The following CWC27 variants were observed in gnomAD, a reference collection of about 807,000 sequenced individuals.
The protein encoded by CWC27 is CWC27 spliceosome associated cyclophilin, also known as spliceosome-associated protein CWC27 homolog.
Under a neutral mutation model 63.6 loss-of-function variants are expected in CWC27, and 47 were observed. The observed-to-expected ratio is 0.74, with a 90% CI of 0.58 to 0.94. The LOEUF (loss-of-function observed/expected upper bound fraction) is 0.94. Ranked by LOEUF, CWC27 falls within the 40% of genes least tolerant of loss-of-function variation. The pLI is 0.00. For synonymous variants in CWC27, 175 were observed against 179.8 expected (o/e 0.97, Z 0.22); for missense variants, 495 against 554.3 (o/e 0.89, Z 1.07).
chr5:64,977,910 C>T (rs549423521), intron 13 of CWC27, among the ~76,000 whole-genome samples: 1 of 152,294 alleles, frequency 6.6e-6, no homozygotes, highest in East Asian at 1.9e-4. Context: ...CCACACCTAA[C>T]TGCCTCCACC....
At chr5:64,884,006 A>G (rs930389879) in intron 10 of CWC27, 3 of 152,178 alleles carry the variant, frequency 2.0e-5, no homozygotes, top group African/African-American at 7.2e-5. Context: ...AACATTCCAC[A>G]TCTAAAGTTA....
intron 6 of CWC27, 152 bp downstream of exon 6, chr5:64,786,779 A>T (rs1419963796): frequency 1.8e-6 from 1 of 562,724 alleles, no homozygotes; most frequent in East Asian, 3.1e-5. Flanking sequence ...TGGTTGTATT[A>T]GTTCATTTTT....
chr5:64,840,429 A>G (rs1285271213), intron 10 of CWC27, among the ~76,000 whole-genome samples: 4 of 120,472 alleles, frequency 3.3e-5, no homozygotes, highest in Non-Finnish European at 5.1e-5. Flanking sequence ...ATATATATAT[A>G]TACTTATTAA....
intron 11 of CWC27, among the ~76,000 whole-genome samples, chr5:64,930,384 C>T (rs909210838): frequency 4.6e-5 from 7 of 151,174 alleles, no homozygotes; most frequent in Admixed American, 4.0e-4. Flanking sequence ...TTTCATGTTA[C>T]GTGAATTTTA....
At chr5:64,802,226 G>A (rs998689440) in intron 9 of CWC27, among the ~76,000 whole-genome samples, 2 of 152,186 alleles carry the variant, frequency 1.3e-5, no homozygotes. Flanking sequence ...AAAGTTTCAA[G>A]GAGTCTGTCT....
At chr5:64,946,276 T>TGCTA (rs1748590322) in intron 11 of CWC27, among the ~76,000 whole-genome samples, 1 of 152,192 alleles carries the variant, frequency 6.6e-6, no homozygotes, top group African/African-American at 2.4e-5. Flanking sequence ...TGAGCTAAGA[T>TGCTA]GCTAGTATAT....
intron 13 of CWC27, among the ~76,000 whole-genome samples, chr5:65,000,318 G>A (rs997066244): frequency 6.6e-6 from 1 of 151,894 alleles, no homozygotes; most frequent in Non-Finnish European, 1.5e-5. Context: ...TCATTTGCTA[G>A]GCAGAAGCTT....
chr5:64,769,278 G>C, intron 1 of CWC27, 90 bp downstream of exon 1: 1 of 1,146,564 alleles, frequency 8.7e-7, no homozygotes, highest in Non-Finnish European at 1.3e-6. Flanking sequence ...TCAGGATCTC[G>C]TGGTAGGAAG....
At chr5:64,925,543 A>G (rs1194992771) in intron 11 of CWC27, among the ~76,000 whole-genome samples, 1 of 152,180 alleles carries the variant, frequency 6.6e-6, no homozygotes, top group Non-Finnish European at 1.5e-5. Context: ...ATCAATTACT[A>G]TAGCTGGGAA....
At chr5:64,898,755 G>C (rs1747438233) in intron 11 of CWC27, among the ~76,000 whole-genome samples, 1 of 152,110 alleles carries the variant, frequency 6.6e-6, no homozygotes, top group Admixed American at 6.6e-5. Context: ...ACAATTCAGG[G>C]TGAGCACTTC....
intron 13 of CWC27, among the ~76,000 whole-genome samples, chr5:65,002,098 A>G (rs1293821652): frequency 6.6e-6 from 1 of 152,062 alleles, no homozygotes; most frequent in African/African-American, 2.4e-5. Context: ...CCAATTTGCT[A>G]GCATATAGTT....
chr5:64,795,504 GTC>G (rs1744233777), intron 7 of CWC27, among the ~76,000 whole-genome samples: 1 of 152,112 alleles, frequency 6.6e-6, no homozygotes, highest in African/African-American at 2.4e-5. Context: ...TCTTTCTGGA[GTC>G]TCTGGGGAGA....
At chr5:64,821,502 C>T (rs959690226) in intron 10 of CWC27, among the ~76,000 whole-genome samples, 1 of 152,166 alleles carries the variant, frequency 6.6e-6, no homozygotes, top group East Asian at 1.9e-4. Flanking sequence ...CACACTTCAG[C>T]ATATAGTGAA....
intron 10 of CWC27, among the ~76,000 whole-genome samples, chr5:64,854,183 A>C (rs1236693139): frequency 6.6e-6 from 1 of 152,286 alleles, no homozygotes; most frequent in Non-Finnish European, 1.5e-5. Flanking sequence ...GTATATACCA[A>C]ATTTTCTTTA....
At chr5:64,888,221 T>A (rs1747123139) in intron 11 of CWC27, among the ~76,000 whole-genome samples, 1 of 150,806 alleles carries the variant, frequency 6.6e-6, no homozygotes, top group Admixed American at 6.6e-5. Flanking sequence ...GAGCTACCAA[T>A]GGCCAAAGCT....
intron 13 of CWC27, among the ~76,000 whole-genome samples, chr5:65,015,620 G>T (rs528281074): frequency 6.6e-6 from 1 of 152,148 alleles, no homozygotes; most frequent in African/African-American, 2.4e-5. Context: ...CTCATCAGTG[G>T]TAATATTACA....
At chr5:64,887,091 T>C (rs149490451) in intron 11 of CWC27, among the ~76,000 whole-genome samples, 1 of 152,242 alleles carries the variant, frequency 6.6e-6, no homozygotes, top group East Asian at 1.9e-4. Flanking sequence ...TAATAATTAT[T>C]AGTACCCTCA....
chr5:64,922,438 G>A (rs189776973), intron 11 of CWC27, among the ~76,000 whole-genome samples: 2 of 152,062 alleles, frequency 1.3e-5, no homozygotes, highest in Non-Finnish European at 2.9e-5. Context: ...TGCTTCTGTT[G>A]TATTTTGAAA....
intron 10 of CWC27, among the ~76,000 whole-genome samples, chr5:64,848,392 G>A (rs547430397): frequency 6.6e-6 from 1 of 152,266 alleles, no homozygotes; most frequent in East Asian, 1.9e-4. Context: ...TAGTTTCACA[G>A]CTGAATTATA....
Sources: gnomAD v4.1 joint callset for allele counts (sites outside exome capture counted in the v4.1 genomes callset) on GRCh38, gnomAD v4.1.1 for gene constraint, MANE v1.5 for transcripts, NCBI Gene and HGNC (gene_info 2026-07-23, HGNC 2026-07-21) for gene names.